MED24: variants seen among roughly 807,000 people sequenced by gnomAD.
The protein encoded by MED24 is mediator complex subunit 24, also known as mediator of RNA polymerase II transcription subunit 24.
In MED24, 74 loss-of-function variants were observed where a neutral mutation model predicts 118.8. The ratio of observed to expected loss-of-function variants is 0.62; its 90% CI spans 0.52 to 0.76. The LOEUF (loss-of-function observed/expected upper bound fraction) is 0.76. Among genes scored for constraint, MED24 ranks in the 30% least tolerant of loss-of-function variants. MED24 has a pLI of 0.00. For synonymous variants in MED24, 521 were observed against 523.9 expected (o/e 0.99, Z 0.08); for missense variants, 1,041 against 1,278.9 (o/e 0.81, Z 2.84).
At chr17:40,027,189 G>A in intron 16 of MED24, 155 bp from the exon 17 acceptor site, 1 of 1,112,464 alleles carries the variant, frequency 9.0e-7, no homozygotes, top group East Asian at 2.6e-5. Context: ...CGGGGGCAAT[G>A]CTGCCACCTA....
In MED24 at chr17:40,022,752, G is replaced by A; in HGVS notation, c.2325C>T (p.Asp775=). 1.2e-6 allele frequency: 2 copies of A among 1,613,976 alleles called. No homozygotes were observed. Among genetic ancestry groups the A allele is most frequent in the Non-Finnish European group, 1.7e-6 (2 of 1,179,988 alleles). The change falls in exon 21 of 26, where the codon GAC becomes GAT. Residue 775 remains aspartate (D), a synonymous_variant. Coordinates refer to ENST00000394128, the MANE Select transcript of MED24 (RefSeq NM_014815.4). The part of the protein sequence containing the change: ...VELLYSIFCL[D]MQQVTLVLLG... ...GCAGGACCAGGGTCACTTGCTGCAT[G>A]TCCAGGCAGAAGATGGAGTAGAGCA...
intron 16 of MED24, 68 bp from the exon 17 acceptor site, chr17:40,027,102 G>T (rs1982753827): frequency 3.9e-6 from 6 of 1,554,738 alleles, no homozygotes; most frequent in Non-Finnish European, 5.3e-6. Flanking sequence ...CTGGACCTGG[G>T]GCTGCACTGT....
At chr17:40,026,438 G>C in intron 18 of MED24, 107 bp from the exon 19 acceptor site, 1 of 1,389,048 alleles carries the variant, frequency 7.2e-7, no homozygotes, top group Non-Finnish European at 9.9e-7. Context: ...GGAGTCCCGG[G>C]CCACATTCCA....
At position 40,033,212 on chromosome 17, in the gene MED24, G is replaced by A; in HGVS notation, c.672-6C>T. The A allele has an allele frequency of 6.2e-7, 1 of 1,613,792 alleles. No individual in the cohort carries two copies. ...CAGACAGCATCGTGGGGATGCTGAG[G>A]GGTCACAAACACAGGGGACGGTGTT... On this transcript the variant is annotated splice_polypyrimidine_tract_variant and splice_region_variant and intron_variant, in intron 7 of 25. Coordinates refer to ENST00000394128, the MANE Select transcript of MED24 (RefSeq NM_014815.4). The surrounding 1 kb of genome is among the most constrained non-coding windows in gnomAD (Gnocchi z 5.2).
intron 22 of MED24, 59 bp downstream of exon 22, chr17:40,022,335 G>T: frequency 6.6e-7 from 1 of 1,514,934 alleles, no homozygotes; most frequent in Non-Finnish European, 9.0e-7. Flanking sequence ...GAATCCTTAG[G>T]AAATGCTGTA....
intron 3 of MED24, among the ~76,000 whole-genome samples, chr17:40,044,258 G>A (rs1056956068): frequency 2.0e-5 from 3 of 151,880 alleles, no homozygotes; most frequent in Middle Eastern, 3.2e-3. Flanking sequence ...AGTGGCTTAC[G>A]CCTGTAATCC....
chr17:40,031,547 T>A lies in MED24; in HGVS notation c.1058A>T (p.Gln353Leu). ...KLTPLLDKAD[Q>L]RCNCDCTNFL... ...CCAGGGGAGCTCATACTTGCAGCGC[T>A]GGTCAGCTTTGTCCAACAAGGGGGT... is the stretch of plus-strand genomic sequence containing the variant. Residue 353 changes from glutamine (Q) to leucine (L), a missense_variant, in exon 11 of 26, where the codon CAG becomes CTG. Around this residue, in one of 3 missense-constraint regions of MED24, gnomAD observed 434 missense variants for 514.9 expected, o/e 0.84. Transcript: ENST00000394128. 4 of 1,614,120 alleles carry A rather than the reference T, an allele frequency of 2.5e-6. No homozygotes were observed. The highest frequency in any genetic ancestry group is 3.4e-6 in the Non-Finnish European group (4 of 1,179,954).
Position 40,023,270 on chromosome 17 carries a change from T to C in MED24, c.2111A>G (p.Lys704Arg), listed in dbSNP as rs1429745841. 8 of 1,613,998 alleles carry C rather than the reference T, an allele frequency of 5.0e-6. No individual in the cohort carries two copies. In the Middle Eastern group the frequency reaches 6.6e-4, roughly 133 times the overall value. Residue 704 changes from lysine (K) to arginine (R), a missense_variant, in exon 20 of 26, where the codon AAG becomes AGG. Lys to Arg is a conservative substitution (Grantham distance 26). Transcript: ENST00000394128. ...CGTCAGCACCTCTTTGATGGGCCGCTTGGGGGGCAGCAGGTTCCAGTAGGG... is the reference window on the plus strand; with the variant it reads ...CGTCAGCACCTCTTTGATGGGCCGCCTGGGGGGCAGCAGGTTCCAGTAGGG... The part of the protein sequence containing the change: ...TMPYWNLLPP[K>R]RPIKEVLTDI...
chr17:40,022,288 C>A (rs1401218907), intron 22 of MED24, 106 bp downstream of exon 22: 1 of 1,235,654 alleles, frequency 8.1e-7, no homozygotes, highest in Non-Finnish European at 1.1e-6. Context: ...ACAGCTGCCC[C>A]AAGGGCAGGG....
chr17:40,047,531 G>A (rs150473859), intron 3 of MED24, among the ~76,000 whole-genome samples: 1,679 of 151,842 alleles, frequency 0.011, 34 homozygotes, highest in African/African-American at 0.038. Flanking sequence ...GCGTGGTGGA[G>A]GACACCTGTA....
intron 3 of MED24, 135 bp downstream of exon 3, chr17:40,053,162 TG>T: frequency 2.4e-6 from 2 of 826,446 alleles, no homozygotes; most frequent in South Asian, 1.8e-5. Context: ...CTTGAACTCC[TG>T]GGCTCAAGCA....
chr17:40,036,008 C>A, intron 4 of MED24, 108 bp downstream of exon 4: 2 of 1,307,748 alleles, frequency 1.5e-6, no homozygotes, highest in Non-Finnish European at 1.1e-6. Flanking sequence ...CAGCCAGAGG[C>A]ATCATGTGCT....
In MED24 at chr17:40,033,829, G is replaced by A; in HGVS notation, c.560-373C>T. The stretch of plus-strand genomic sequence containing the variant: ...AGGAGTGAGCGGATCCCAAAGTCCA[G>A]TCTTGCAGAGGCTGTCACTCTCCTC... On this transcript the variant is annotated intron_variant, in intron 6 of 25. Transcript: ENST00000394128. The surrounding 1 kb of genome is among the most constrained non-coding windows in gnomAD (Gnocchi z 5.2). 1 of 458,480 alleles carries A rather than the reference G, an allele frequency of 2.2e-6. No individual in the cohort carries two copies. The allele number at this position is 458,480 out of a possible 1,614,324, so 28.4% of individuals were successfully genotyped here. A position where few individuals can be genotyped will look rare whatever the true frequency, so the allele number is the denominator to read the frequency against.
At chr17:40,028,134 GAGAA>G in intron 14 of MED24, 188 bp from the exon 15 acceptor site, 1 of 577,226 alleles carries the variant, frequency 1.7e-6, no homozygotes, top group South Asian at 2.0e-5. Context: ...TGTTTTTTTT[GAGAA>G]AGAGTCTCGC....
rs950242255 is a variant in MED24, at chr17:40,047,584, C to T, written c.213+5714G>A. On this transcript the variant is annotated intron_variant, in intron 3 of 25. Transcript: ENST00000394128. Reference sequence around the variant, plus strand: ...GGCTGAGGCAGGAGAATAGCTTGGACCTGGGAGGCGGAGGTTGCAGTGAGC... The same window carrying T: ...GGCTGAGGCAGGAGAATAGCTTGGATCTGGGAGGCGGAGGTTGCAGTGAGC... Among the ~76,000 whole-genome samples the T allele has an allele frequency of 3.3e-5, 5 of 151,786 alleles. No individual in the cohort carries two copies. The East Asian group carries it at 9.7e-4, about 30-fold the overall frequency.
Position 40,020,296 on chromosome 17 carries a change from C to T in MED24, c.2681G>A (p.Arg894Gln), listed in dbSNP as rs1981810001. 9 of 1,574,192 alleles carry T rather than the reference C, an allele frequency of 5.7e-6. No homozygotes were observed. Among genetic ancestry groups the T allele is most frequent in the African/African-American group, 1.3e-5 (1 of 74,408 alleles). Reference sequence around the variant, plus strand: ...ACCCAGGACTCGGTTCAGAGGGTCCCGCATGTTGACCGTGTGGAGCTGAGA... The same window carrying T: ...ACCCAGGACTCGGTTCAGAGGGTCCTGCATGTTGACCGTGTGGAGCTGAGA... Reference protein sequence around the residue: ...SASQLHTVNMRDPLNRVLANL... With the variant: ...SASQLHTVNMQDPLNRVLANL... The change falls in exon 24 of 26, where the codon CGG (arginine) becomes CAG (glutamine). Residue 894 changes from arginine (R) to glutamine (Q), a missense_variant. Around this residue, in one of 3 missense-constraint regions of MED24, gnomAD observed 587 missense variants for 694.4 expected, o/e 0.85. Coordinates refer to ENST00000394128, the MANE Select transcript of MED24 (RefSeq NM_014815.4).
At chr17:40,053,423 C>T (rs376502155) in intron 2 of MED24, 43 bp from the exon 3 acceptor site, 3 of 1,613,498 alleles carry the variant, frequency 1.9e-6, no homozygotes, top group Non-Finnish European at 2.5e-6. Flanking sequence ...ATTACAACTT[C>T]TCTGGGTTTA....
intron 13 of MED24, among the ~76,000 whole-genome samples, chr17:40,029,543 C>T (rs1983125174): frequency 6.6e-6 from 1 of 152,202 alleles, no homozygotes; most frequent in Admixed American, 6.5e-5. Flanking sequence ...GCGCCTACTG[C>T]AGTGCCTGGT....
At position 40,032,042 on chromosome 17, in the gene MED24, C is replaced by T. The variant is rs753199455; in HGVS notation, c.984+1G>A. The T allele has an allele frequency of 1.2e-6, 2 of 1,613,718 alleles. No homozygotes were observed. The highest frequency in any genetic ancestry group is 3.3e-5 in the Admixed American group (2 of 59,912). On this transcript the variant is annotated splice_donor_variant, in intron 10 of 25. Coordinates refer to ENST00000394128, the MANE Select transcript of MED24 (RefSeq NM_014815.4). LOFTEE classifies it high-confidence loss of function. ...TGCCTCCATCTCAATCCCCAACTCACCTTGTCTCCATGAGAGTACTTCTTC... is the reference window on the plus strand; with the variant it reads ...TGCCTCCATCTCAATCCCCAACTCATCTTGTCTCCATGAGAGTACTTCTTC...
Sources: gnomAD v4.1 joint callset for allele counts (sites outside exome capture counted in the v4.1 genomes callset) on GRCh38, gnomAD v4.1.1 for gene constraint, gnomAD v4.1.1 regional missense constraint, Gnocchi (gnomAD v3.1) non-coding constraint, MANE v1.5 for transcripts, NCBI Gene and HGNC (gene_info 2026-07-23, HGNC 2026-07-21) for gene names.